The following ANKS1B variants were observed in gnomAD, a reference collection of about 807,000 sequenced individuals.
ANKS1B encodes ankyrin repeat and sterile alpha motif domain containing 1B, also known as ankyrin repeat and sterile alpha motif domain-containing protein 1B.
ANKS1B carries 36 observed loss-of-function variants against 148.3 expected under a neutral mutation model. That is an observed-to-expected ratio of 0.24 (90% confidence interval 0.19 to 0.32). The LOEUF (loss-of-function observed/expected upper bound fraction) is 0.32, where lower values mean the gene tolerates loss of function less well. Ranked by LOEUF, ANKS1B falls within the 10% of genes least tolerant of loss-of-function variation. The probability of loss-of-function intolerance (pLI) is 1.00; values close to 1 mark genes in which losing one functional copy is unlikely to be tolerated. For synonymous variants in ANKS1B, 542 were observed against 560.8 expected (o/e 0.97, Z 0.47); for missense variants, 1,157 against 1,542.6 (o/e 0.75, Z 4.19).
At position 99,978,017 on chromosome 12, in the gene ANKS1B, T is replaced by C. The variant is rs188299285; in HGVS notation, c.134+6087A>G. Among the ~76,000 whole-genome samples, 5 of 152,332 alleles carry C rather than the reference T, an allele frequency of 3.3e-5. No homozygotes were observed. The East Asian group carries it at 9.6e-4, about 29-fold the overall frequency. On this transcript the variant is annotated intron_variant, in intron 1 of 26. Coordinates refer to ENST00000683438, the MANE Select transcript of ANKS1B (RefSeq NM_001352186.2). ...ACCTTTGTCTGGCATTATAGTCAGC[T>C]TCCATTTCTAGTTAAATACTCAGGA...
intron 10 of ANKS1B, among the ~76,000 whole-genome samples, chr12:99,467,192 G>T (rs532028186): frequency 6.6e-6 from 1 of 152,000 alleles, no homozygotes; most frequent in African/African-American, 2.4e-5. Flanking sequence ...CAAAAACCAG[G>T]TGATTATCTC....
At chr12:99,311,076 C>G (rs1220685464) in intron 12 of ANKS1B, among the ~76,000 whole-genome samples, 1 of 152,138 alleles carries the variant, frequency 6.6e-6, no homozygotes, top group Non-Finnish European at 1.5e-5. Context: ...CCTATTATTA[C>G]TGTGTGGTTG....
At position 99,655,178 on chromosome 12, in the gene ANKS1B, T is replaced by G; in HGVS notation, c.1161A>C (p.Gly387=). 6.2e-7 allele frequency: 1 copy of G among 1,611,738 alleles called. No homozygotes were observed. Among genetic ancestry groups the G allele is most frequent in the Non-Finnish European group, 8.5e-7 (1 of 1,178,634 alleles). ...RTSSTINLSP[G]EVEEEDDDEN... ...CATCATCATCCTCTTCTTCCACTTC[T>G]CCTGGTGACAAATTGATTGTAGATG... Residue 387 remains glycine (G), a synonymous_variant, in exon 9 of 27, where the codon GGA becomes GGC. Transcript: ENST00000683438.
chr12:99,305,317 C>T (rs914497384), intron 12 of ANKS1B, among the ~76,000 whole-genome samples: 6 of 152,028 alleles, frequency 3.9e-5, no homozygotes, highest in African/African-American at 1.4e-4. Context: ...ACCTATTTTA[C>T]AAATTGTATA....
chr12:99,774,848 TAAC>T (rs1390927607), intron 7 of ANKS1B, among the ~76,000 whole-genome samples: 1 of 152,102 alleles, frequency 6.6e-6, no homozygotes, highest in Non-Finnish European at 1.5e-5. Context: ...CTGCCATTTG[TAAC>T]AACATGGATG....
intron 8 of ANKS1B, among the ~76,000 whole-genome samples, chr12:99,698,699 T>C (rs1350907081): frequency 6.6e-6 from 1 of 152,198 alleles, no homozygotes; most frequent in Non-Finnish European, 1.5e-5. Context: ...GTCTTATCTG[T>C]AGTTGGGACA....
intron 19 of ANKS1B, among the ~76,000 whole-genome samples, chr12:98,815,498 A>G (rs1474411548): frequency 2.6e-5 from 4 of 152,126 alleles, no homozygotes; most frequent in African/African-American, 9.7e-5. Context: ...TCCCAAATTC[A>G]TATTTCCAGC....
chr12:99,562,833 TGAGATTTGGGTGGGGACACA>T (rs2097351218), intron 9 of ANKS1B, among the ~76,000 whole-genome samples: 1 of 152,082 alleles, frequency 6.6e-6, no homozygotes, highest in Non-Finnish European at 1.5e-5. Context: ...CAATTCAAGA[TGAGATTTGGGTGGGGACACA>T]GAGCCAGACC....
chr12:99,394,806 C>T (rs930718395), intron 12 of ANKS1B, among the ~76,000 whole-genome samples: 1 of 152,110 alleles, frequency 6.6e-6, no homozygotes, highest in African/African-American at 2.4e-5. Flanking sequence ...TGTATAATGA[C>T]GACGTTCACA....
intron 16 of ANKS1B, among the ~76,000 whole-genome samples, chr12:99,083,304 T>C (rs1165877905): frequency 2.0e-5 from 3 of 152,142 alleles, no homozygotes; most frequent in Non-Finnish European, 2.9e-5. Flanking sequence ...ATCTCAAATA[T>C]CCAGGTGTAT....
At chr12:99,879,174 CAGA>C (rs1211667025) in intron 1 of ANKS1B, among the ~76,000 whole-genome samples, 4 of 152,156 alleles carry the variant, frequency 2.6e-5, no homozygotes, top group African/African-American at 9.7e-5. Context: ...TCAGTATCTA[CAGA>C]GTTTTTCTCT....
chr12:99,916,465 A>G (rs1236120400), intron 1 of ANKS1B, among the ~76,000 whole-genome samples: 2 of 152,150 alleles, frequency 1.3e-5, no homozygotes, highest in Admixed American at 6.5e-5. Flanking sequence ...CATCAGCCCA[A>G]TGGGTCTCCA....
chr12:98,872,465 C>T (rs1372199501), intron 17 of ANKS1B, among the ~76,000 whole-genome samples: 5 of 152,124 alleles, frequency 3.3e-5, no homozygotes, highest in East Asian at 1.9e-4. Flanking sequence ...CTTGAGTCCA[C>T]GAGTTGGAGG....
At chr12:99,549,716 A>G (rs1005926858) in intron 9 of ANKS1B, among the ~76,000 whole-genome samples, 1 of 152,226 alleles carries the variant, frequency 6.6e-6, no homozygotes, top group Admixed American at 6.5e-5. Context: ...TTCTATAGTC[A>G]ATGCATGAAC....
chr12:99,744,991 C>CAAAAAAAAAAAAAAAAA (rs55904412), intron 8 of ANKS1B, among the ~76,000 whole-genome samples: 1 of 52,082 alleles, frequency 1.9e-5, no homozygotes, highest in Non-Finnish European at 3.2e-5. Context: ...GACTCTGTCT[C>CAAAAAAAAAAAAAAAAA]AAAAAAAAAA....
intron 17 of ANKS1B, among the ~76,000 whole-genome samples, chr12:98,863,640 C>T (rs2099610630): frequency 1.3e-5 from 2 of 152,172 alleles, no homozygotes; most frequent in African/African-American, 2.4e-5. Flanking sequence ...ATCTGTTACT[C>T]TTTATGTCAG....
chr12:99,586,112 C>T (rs1290044295), intron 9 of ANKS1B, among the ~76,000 whole-genome samples: 2 of 152,084 alleles, frequency 1.3e-5, no homozygotes, highest in Non-Finnish European at 2.9e-5. Flanking sequence ...ATGGTCTGCT[C>T]CCCTTTTAAA....
intron 9 of ANKS1B, among the ~76,000 whole-genome samples, chr12:99,652,011 A>G (rs1267120752): frequency 6.6e-6 from 1 of 151,414 alleles, no homozygotes; most frequent in African/African-American, 2.4e-5. Flanking sequence ...TCTTTAATAT[A>G]TTTTGCAATG....
chr12:99,447,960 A>G (rs532672865), intron 10 of ANKS1B, among the ~76,000 whole-genome samples: 1 of 152,238 alleles, frequency 6.6e-6, no homozygotes, highest in South Asian at 2.1e-4. Context: ...AACAGATGCT[A>G]GCAAGGGTGT....
Sources: allele counts gnomAD v4.1 joint callset (sites outside exome capture counted in the v4.1 genomes callset), GRCh38; gene constraint gnomAD v4.1.1; transcripts MANE v1.5; gene names NCBI Gene and HGNC (gene_info 2026-07-23, HGNC 2026-07-21).